TAF4: variants seen among roughly 807,000 people sequenced by gnomAD.
The protein encoded by TAF4 is TATA-box binding protein associated factor 4.
A neutral mutation model predicts 90.3 loss-of-function variants in TAF4; 9 were observed. That is an observed-to-expected ratio of 0.10 (90% confidence interval 0.06 to 0.17). TAF4 has a LOEUF of 0.17. TAF4 is among the 10% of genes least tolerant of loss of function. TAF4 has a pLI of 1.00. For missense variants in TAF4, 1,351 were observed against 1,370.7 expected, an observed-to-expected ratio of 0.99 and a Z score of 0.23; for synonymous variants, 818 against 638.9, an observed-to-expected ratio of 1.28 and a Z score of -4.23.
rs180694122 is a variant in TAF4 at position 62,061,402 on chromosome 20, A to G, written c.1360+3049T>C. On this transcript the variant is annotated intron_variant, in intron 1 of 14. Transcript: ENST00000252996. Reference sequence around the variant, plus strand: ...CCCCTAGGCCAAGGGATCAAGGCCCATGGTGAGAAAGTGCTTTTCTGTCCT... The same window carrying G: ...CCCCTAGGCCAAGGGATCAAGGCCCGTGGTGAGAAAGTGCTTTTCTGTCCT... Among the ~76,000 whole-genome samples, 5 of 152,372 alleles carry G rather than the reference A, an allele frequency of 3.3e-5. No homozygotes were observed. In the East Asian group the frequency reaches 7.7e-4, roughly 23 times the overall value.
At chr20:61,978,695 G>A (rs1393948408) in intron 14 of TAF4, among the ~76,000 whole-genome samples, 5 of 151,760 alleles carry the variant, frequency 3.3e-5, no homozygotes, top group African/African-American at 7.3e-5. Flanking sequence ...AAGGCCGGGG[G>A]CGAGACCAAC....
chr20:62,029,367 G>A (rs2055891344), intron 1 of TAF4, among the ~76,000 whole-genome samples: 1 of 152,126 alleles, frequency 6.6e-6, no homozygotes, highest in Non-Finnish European at 1.5e-5. Context: ...GGGGGCGGTG[G>A]GCAAGTGGAG....
At chr20:62,050,590 T>C (rs946084237) in intron 1 of TAF4, among the ~76,000 whole-genome samples, 3 of 144,652 alleles carry the variant, frequency 2.1e-5, no homozygotes, top group Non-Finnish European at 4.5e-5. Flanking sequence ...AAAGCCCCAA[T>C]AAAAAGAGAA....
Position 62,006,475 on chromosome 20 carries a change from G to A in TAF4, c.2223+35C>T, listed in dbSNP as rs2055745805. Reference sequence around the variant, plus strand: ...AAGCGGGCGGGAGCAGAGGCACGGTGGGCTGTGCAGACCAGTCAGGCGCCC... The same window carrying A: ...AAGCGGGCGGGAGCAGAGGCACGGTAGGCTGTGCAGACCAGTCAGGCGCCC... On this transcript the variant is annotated intron_variant, in intron 7 of 14. Transcript: ENST00000252996. This position sits in a 1 kb window ranked among gnomAD's most constrained non-coding sequence, Gnocchi z 7.0. 7.1e-7 allele frequency: 1 copy of A among 1,411,618 alleles called. No individual in the cohort carries two copies. The highest frequency in any genetic ancestry group is 2.7e-5 in the East Asian group (1 of 37,538). The allele number at this position is 1,411,618 out of a possible 1,614,324, so 87.4% of individuals were successfully genotyped here.
chr20:62,013,564 G>A (rs980388186), intron 2 of TAF4, among the ~76,000 whole-genome samples: 6 of 152,232 alleles, frequency 3.9e-5, no homozygotes, highest in African/African-American at 1.4e-4. Context: ...GGTGGTCTCT[G>A]GCAGCCTCCG....
In TAF4 at chr20:62,064,304, C is replaced by A. The variant is rs1200908313; in HGVS notation, c.1360+147G>T. Reference sequence around the variant, plus strand: ...GACAGCCACCCGGGCTGGCCCCGCACCTGGGTAGAGACTGCCCCTCGGCCT... The same window carrying A: ...GACAGCCACCCGGGCTGGCCCCGCAACTGGGTAGAGACTGCCCCTCGGCCT... On this transcript the variant is annotated intron_variant, in intron 1 of 14. Coordinates refer to ENST00000252996, the MANE Select transcript of TAF4 (RefSeq NM_003185.4). 5.1e-6 allele frequency: 5 copies of A among 983,534 alleles called. No individual in the cohort carries two copies. The Admixed American group carries it at 1.3e-4, about 25-fold the overall frequency. The allele number at this position is 983,534 out of a possible 1,614,324, so 60.9% of individuals were successfully genotyped here.
chr20:62,046,518 A>C (rs980419594), intron 1 of TAF4, among the ~76,000 whole-genome samples: 1 of 152,182 alleles, frequency 6.6e-6, no homozygotes, highest in Non-Finnish European at 1.5e-5. Flanking sequence ...GTATTGCTGC[A>C]TGTGTCGTGA....
chr20:62,039,719 G>A (rs530193926), intron 1 of TAF4, among the ~76,000 whole-genome samples: 1 of 152,138 alleles, frequency 6.6e-6, no homozygotes, highest in Non-Finnish European at 1.5e-5. Flanking sequence ...CACAGACCAA[G>A]AAAATAGTTA....
intron 1 of TAF4, among the ~76,000 whole-genome samples, chr20:62,045,576 T>C (rs1250996119): frequency 6.6e-6 from 1 of 152,244 alleles, no homozygotes; most frequent in East Asian, 1.9e-4. Flanking sequence ...TTCTTTTCCA[T>C]ACTTTTTTGC....
intron 1 of TAF4, among the ~76,000 whole-genome samples, chr20:62,036,576 G>A (rs1036465689): frequency 6.6e-6 from 1 of 152,220 alleles, no homozygotes; most frequent in Non-Finnish European, 1.5e-5. Context: ...GCATGCAACT[G>A]TATATAAAAA....
intron 14 of TAF4, among the ~76,000 whole-genome samples, chr20:61,992,157 G>A (rs908579710): frequency 2.0e-5 from 3 of 152,092 alleles, no homozygotes; most frequent in Non-Finnish European, 4.4e-5. Context: ...ACATAAAGAC[G>A]AGTCACGGCA....
chr20:62,061,075 C>T lies in TAF4; in HGVS notation c.1360+3376G>A, dbSNP rs191708051. Among the ~76,000 whole-genome samples, 5 of 152,338 alleles carry T rather than the reference C, an allele frequency of 3.3e-5. No individual in the cohort carries two copies. In the East Asian group the frequency reaches 5.8e-4, roughly 18 times the overall value. On this transcript the variant is annotated intron_variant, in intron 1 of 14. Coordinates refer to ENST00000252996, the MANE Select transcript of TAF4 (RefSeq NM_003185.4). ...AACAACATATTCCTCCCAGGTCAAACGGCAACAGGGCCCTCAAGTCACAAA... is the reference window on the plus strand; with the variant it reads ...AACAACATATTCCTCCCAGGTCAAATGGCAACAGGGCCCTCAAGTCACAAA...
At chr20:62,049,792 G>A (rs900463678) in intron 1 of TAF4, among the ~76,000 whole-genome samples, 2 of 152,108 alleles carry the variant, frequency 1.3e-5, no homozygotes, top group Admixed American at 6.6e-5. Context: ...CACCAGTCAC[G>A]TGGCCTTGAG....
chr20:62,002,844 C>T (rs764508042), intron 9 of TAF4, among the ~76,000 whole-genome samples: 31 of 152,178 alleles, frequency 2.0e-4, no homozygotes, highest in Non-Finnish European at 3.2e-4. Flanking sequence ...GAAAGTGAAG[C>T]ATTCTATACT....
At chr20:62,021,784 C>G (rs1943449279) in intron 1 of TAF4, among the ~76,000 whole-genome samples, 1 of 151,580 alleles carries the variant, frequency 6.6e-6, no homozygotes. Flanking sequence ...GATTAAAGTT[C>G]TATACTTTTT....
intron 1 of TAF4, among the ~76,000 whole-genome samples, chr20:62,016,028 T>C (rs6089608): frequency 0.41 from 62,057 of 152,082 alleles, 13,792 homozygotes; most frequent in Non-Finnish European, 0.51. Context: ...TCTCCAAGCC[T>C]GGAGCTCGGG....
chr20:62,064,824 G>C lies in TAF4; in HGVS notation c.987C>G (p.Pro329=), dbSNP rs1376832339. The C allele has an allele frequency of 3.1e-6, 3 of 978,670 alleles. No individual in the cohort carries two copies. Among genetic ancestry groups the C allele is most frequent in the Middle Eastern group, 5.2e-4 (1 of 1,932 alleles). The allele number at this position is 978,670 out of a possible 1,614,324, so 60.6% of individuals were successfully genotyped here. The change falls in exon 1 of 15, where the codon CCC becomes CCG. Residue 329 remains proline (P), a synonymous_variant. Coordinates refer to ENST00000252996, the MANE Select transcript of TAF4 (RefSeq NM_003185.4). ...GCGCCGCAGCCGCCGCGCCGGGCCC[G>C]GGTTGGCCGCTGACCCCCGCGGGGC... The part of the protein sequence containing the change: ...AGGPAGVSGQ[P]GPGAAAAAPA...
At chr20:62,008,165 G>A (rs571719275) in intron 5 of TAF4, 8 of 152,846 alleles carry the variant, frequency 5.2e-5, no homozygotes, top group African/African-American at 1.9e-4. Context: ...ACAAAAGGGA[G>A]CCCAGAGCAA....
intron 5 of TAF4, 169 bp from the exon 6 acceptor site, chr20:62,007,805 C>G (rs1431040186): frequency 3.3e-6 from 2 of 605,376 alleles, no homozygotes; most frequent in Admixed American, 3.2e-5. Flanking sequence ...ACATGTGTGA[C>G]AGGCGCTCAC....
Sources: gnomAD v4.1 joint callset for allele counts (sites outside exome capture counted in the v4.1 genomes callset) on GRCh38, gnomAD v4.1.1 for gene constraint, Gnocchi (gnomAD v3.1) non-coding constraint, MANE v1.5 for transcripts, NCBI Gene and HGNC (gene_info 2026-07-23, HGNC 2026-07-21) for gene names.